Variants in NUFIP2 observed in about 807,000 individuals in gnomAD.
The protein encoded by NUFIP2 is nuclear FMR1 interacting protein 2, also known as FMR1-interacting protein NUFIP2.
In NUFIP2, 6 loss-of-function variants were observed where a neutral mutation model predicts 56.9. That is an observed-to-expected ratio of 0.11 (90% CI 0.06 to 0.21). The LOEUF (loss-of-function observed/expected upper bound fraction) is 0.21. NUFIP2 is among the 10% of genes least tolerant of loss of function. The pLI, the probability that NUFIP2 is intolerant of heterozygous loss-of-function variation, is 1.00. For synonymous variants in NUFIP2, 321 were observed against 298.2 expected (o/e 1.08, Z -0.79); for missense variants, 828 against 826.8 (o/e 1.00, Z -0.02).
chr17:29,272,800 AG>A (rs2153011293), intron 2 of NUFIP2, among the ~76,000 whole-genome samples: 2 of 151,366 alleles, frequency 1.3e-5, no homozygotes, highest in African/African-American at 4.8e-5. Flanking sequence ...TTTGGATCTT[AG>A]ATTCTCAGAT....
At chr17:29,289,670 A>C (rs2069199055) in intron 1 of NUFIP2, among the ~76,000 whole-genome samples, 1 of 152,212 alleles carries the variant, frequency 6.6e-6, no homozygotes, top group Non-Finnish European at 1.5e-5. Flanking sequence ...TGAGGAGTCT[A>C]ATAGGAATAC....
intron 3 of NUFIP2, among the ~76,000 whole-genome samples, chr17:29,265,757 T>C (rs1247232806): frequency 2.2e-5 from 3 of 135,854 alleles, no homozygotes; most frequent in African/African-American, 5.5e-5. Flanking sequence ...GGTCACCCAA[T>C]GGAAAATTTT....
At chr17:29,293,303 C>T (rs2069230061) in intron 1 of NUFIP2, among the ~76,000 whole-genome samples, 1 of 151,672 alleles carries the variant, frequency 6.6e-6, no homozygotes, top group African/African-American at 2.4e-5. Context: ...GGGGCACTTC[C>T]TCAACTCACC....
chr17:29,286,426 G>T lies in NUFIP2; in HGVS notation c.1568C>A (p.Thr523Asn), dbSNP rs1324687404. 6.2e-7 allele frequency: 1 copy of T among 1,614,114 alleles called. No individual in the cohort carries two copies. The highest frequency in any genetic ancestry group is 1.3e-5 in the African/African-American group (1 of 75,016). Residue 523 changes from threonine (T) to asparagine (N), a missense_variant, in exon 2 of 4, where the codon ACT (threonine) becomes AAT (asparagine). Physicochemically the swap from Thr to Asn is moderately conservative, Grantham distance 65 (BLOSUM62 0). Transcript: ENST00000225388. ...CACTTTATGCTCTGATGACTTCCCA[G>T]TAACAGTCTCAGGGCCAGCACTGGG... ...NEPSAGPETV[T>N]GKSSEHKVME...
At chr17:29,288,787 A>G (rs1332244068) in intron 1 of NUFIP2, among the ~76,000 whole-genome samples, 1 of 152,230 alleles carries the variant, frequency 6.6e-6, no homozygotes, top group African/African-American at 2.4e-5. Flanking sequence ...AAAAGATGCA[A>G]TGAGAAAATA....
At chr17:29,270,913 A>G (rs969749487) in intron 2 of NUFIP2, among the ~76,000 whole-genome samples, 1 of 152,186 alleles carries the variant, frequency 6.6e-6, no homozygotes, top group Non-Finnish European at 1.5e-5. Flanking sequence ...TGGAAACTCA[A>G]CCTATCCCTG....
At chr17:29,268,280 G>A (rs2069050821) in intron 2 of NUFIP2, among the ~76,000 whole-genome samples, 1 of 152,142 alleles carries the variant, frequency 6.6e-6, no homozygotes, top group South Asian at 2.1e-4. Flanking sequence ...TTCACAAATT[G>A]CAAGGACATG....
chr17:29,291,079 TAA>T (rs958307543), intron 1 of NUFIP2, among the ~76,000 whole-genome samples: 4 of 149,966 alleles, frequency 2.7e-5, no homozygotes, highest in East Asian at 1.9e-4. Flanking sequence ...TTTAACTACA[TAA>T]AGTTTTTCTC....
intron 2 of NUFIP2, among the ~76,000 whole-genome samples, chr17:29,275,090 CTCACTGCAACCTCCACCTCCTGGCT>C (rs1374911731): frequency 6.6e-6 from 1 of 151,970 alleles, no homozygotes; most frequent in African/African-American, 2.4e-5. Context: ...TCGATCTCGG[CTCACTGCAACCTCCACCTCCTGGCT>C]TCAGGCAATT....
intron 1 of NUFIP2, among the ~76,000 whole-genome samples, 157 bp from the exon 2 acceptor site, chr17:29,287,873 C>T (rs2069187943): frequency 6.6e-6 from 1 of 152,144 alleles, no homozygotes; most frequent in African/African-American, 2.4e-5. Flanking sequence ...ACCTGTCAGC[C>T]CCATTTTACA....
intron 2 of NUFIP2, among the ~76,000 whole-genome samples, chr17:29,281,393 G>A (rs1226136083): frequency 6.6e-6 from 1 of 152,136 alleles, no homozygotes; most frequent in Non-Finnish European, 1.5e-5. Context: ...TCAGGAGGCT[G>A]AGGCAGGAGG....
rs185353442 is a variant in NUFIP2 at position 29,286,759 on chromosome 17, G to A, written c.1235C>T (p.Ala412Val). 1.8e-4 allele frequency: 298 copies of A among 1,614,046 alleles called. No homozygotes were observed. The highest frequency in any genetic ancestry group is 2.2e-4 in the Non-Finnish European group (261 of 1,180,010). Residue 412 changes from alanine (A) to valine (V), a missense_variant, in exon 2 of 4, where the codon GCC becomes GTC. By Grantham distance (64) the Ala-to-Val change is moderately conservative (BLOSUM62 0). Coordinates refer to ENST00000225388, the MANE Select transcript of NUFIP2 (RefSeq NM_020772.3). ...PMSALKSVTS[A>V]NFSNGPVLAG... ...TAAAACAGGCCCATTAGAAAAGTTG[G>A]CAGAAGTAACAGATTTCAGCGCTGA...
At position 29,287,011 on chromosome 17, in the gene NUFIP2, G is replaced by T; in HGVS notation, c.983C>A (p.Ala328Asp). 6.2e-7 allele frequency: 1 copy of T among 1,614,148 alleles called. No individual in the cohort carries two copies. Among genetic ancestry groups the T allele is most frequent in the South Asian group, 1.1e-5 (1 of 91,080 alleles). ...RPKGKHASAV[A>D]SKEDSWTLFK... Reference sequence around the variant, plus strand: ...TAGGGTCCACGAGTCCTCTTTGGAGGCAACAGCTGAAGCATGCTTTCCTTT... The same window carrying T: ...TAGGGTCCACGAGTCCTCTTTGGAGTCAACAGCTGAAGCATGCTTTCCTTT... The change falls in exon 2 of 4, where the codon GCC (alanine) becomes GAC (aspartate). Residue 328 changes from alanine to aspartate, a missense_variant. Physicochemically the swap from Ala to Asp is moderately radical, Grantham distance 126. This residue lies in a region of NUFIP2 where 415 missense variants were observed against 408.7 expected (regional missense o/e 1.02). Coordinates refer to ENST00000225388, the MANE Select transcript of NUFIP2 (RefSeq NM_020772.3).
At position 29,287,646 on chromosome 17, in the gene NUFIP2, G is replaced by A; in HGVS notation, c.348C>T (p.Ala116=). 36 of 1,613,754 alleles carry A rather than the reference G, an allele frequency of 2.2e-5. No individual in the cohort carries two copies. The highest frequency in any genetic ancestry group is 3.0e-5 in the Non-Finnish European group (35 of 1,179,992). The change falls in exon 2 of 4, where the codon GCC becomes GCT. Residue 116 remains alanine, a synonymous_variant. Transcript: ENST00000225388. ...ISLKNLSSDE[A]TNPISRVLNG... ...TGAGGACCCTGGAAATAGGGTTGGT[G>A]GCTTCATCAGAACTCAGGTTCTTTA...
rs2068986664 is a variant in NUFIP2, at chr17:29,259,004, A to G, written c.*5535T>C. 6.6e-6 allele frequency: 1 copy of G among 152,242 alleles called. No individual in the cohort carries two copies. The highest frequency in any genetic ancestry group is 6.5e-5 in the Admixed American group (1 of 15,288). The allele number at this position is 152,242 out of a possible 1,614,324, so 9.4% of individuals were successfully genotyped here. ...ATAATAGACAAACAGGGTAAACTAA[A>G]GGCATTCATTCATATTTACATATTA... On this transcript the variant is annotated 3_prime_UTR_variant, in exon 4 of 4. Transcript: ENST00000225388.
At chr17:29,291,280 C>A (rs898035756) in intron 1 of NUFIP2, among the ~76,000 whole-genome samples, 14 of 152,124 alleles carry the variant, frequency 9.2e-5, no homozygotes, top group Non-Finnish European at 5.9e-5. Flanking sequence ...CCTGATACAT[C>A]TAGCTTTTCA....
At chr17:29,279,229 G>C (rs996577386) in intron 2 of NUFIP2, among the ~76,000 whole-genome samples, 5 of 152,146 alleles carry the variant, frequency 3.3e-5, no homozygotes, top group African/African-American at 4.8e-5. Flanking sequence ...TGTACACCTA[G>C]TCCTTGTCAA....
chr17:29,282,366 C>T (rs867869405), intron 2 of NUFIP2, among the ~76,000 whole-genome samples: 3 of 151,558 alleles, frequency 2.0e-5, no homozygotes, highest in South Asian at 2.1e-4. Context: ...CTGACCAACA[C>T]GGTAAAACCC....
intron 2 of NUFIP2, among the ~76,000 whole-genome samples, chr17:29,285,171 A>G (rs2069164851): frequency 6.6e-6 from 1 of 151,792 alleles, no homozygotes; most frequent in African/African-American, 2.4e-5. Context: ...GTGGTGGCGC[A>G]TGGCTGTAAT....
Sources: allele counts gnomAD v4.1 joint callset (sites outside exome capture counted in the v4.1 genomes callset), GRCh38; gene constraint gnomAD v4.1.1; regional missense constraint gnomAD v4.1.1; transcripts MANE v1.5; gene names NCBI Gene and HGNC (gene_info 2026-07-23, HGNC 2026-07-21).